CDK14: variants seen among roughly 807,000 people sequenced by gnomAD.
CDK14 encodes cyclin-dependent kinase 14.
In CDK14, 34 loss-of-function variants were observed where a neutral mutation model predicts 60.7. The ratio of observed to expected loss-of-function variants is 0.56; its 90% CI spans 0.43 to 0.75. The LOEUF (loss-of-function observed/expected upper bound fraction) is 0.75. CDK14 is among the 30% of genes least tolerant of loss of function. The pLI is 0.00. For synonymous variants in CDK14, 197 were observed against 203.7 expected, an observed-to-expected ratio of 0.97 and a Z score of 0.28; for missense variants, 482 against 564.1, an observed-to-expected ratio of 0.85 and a Z score of 1.47.
intron 8 of CDK14, among the ~76,000 whole-genome samples, chr7:90,929,478 T>G (rs1793525128): frequency 6.6e-6 from 1 of 152,256 alleles, no homozygotes; most frequent in Non-Finnish European, 1.5e-5. Flanking sequence ...CATATCAATG[T>G]TAACAACTTT....
chr7:91,144,143 G>A (rs1800550687), intron 14 of CDK14, among the ~76,000 whole-genome samples: 1 of 152,132 alleles, frequency 6.6e-6, no homozygotes, highest in Non-Finnish European at 1.5e-5. Context: ...ACCAGATCAA[G>A]TTAATTAATC....
chr7:90,938,048 A>T (rs1793809269), intron 8 of CDK14, among the ~76,000 whole-genome samples: 1 of 152,250 alleles, frequency 6.6e-6, no homozygotes, highest in Non-Finnish European at 1.5e-5. Context: ...ATGAAAGAAT[A>T]GTTTGGAATC....
At chr7:91,167,820 A>G (rs1801391426) in intron 14 of CDK14, among the ~76,000 whole-genome samples, 1 of 152,242 alleles carries the variant, frequency 6.6e-6, no homozygotes, top group Admixed American at 6.5e-5. Context: ...TGGGAAAAGA[A>G]TAGTGTCTAC....
chr7:90,847,512 G>A (rs1790507239), intron 5 of CDK14, among the ~76,000 whole-genome samples: 1 of 152,054 alleles, frequency 6.6e-6, no homozygotes, highest in East Asian at 1.9e-4. Flanking sequence ...CCTGAGCTCT[G>A]TTTTCTTCCA....
rs1363797672 is a variant in CDK14 at position 90,895,350 on chromosome 7, CCTCTCCTCACCTCT to C, written c.640-3939_640-3926del. 1.4e-4 allele frequency among the ~76,000 whole-genome samples: 6 copies of C among 43,762 alleles called. 1 individual carries two copies. The highest frequency in any genetic ancestry group is 5.6e-4 in the African/African-American group (6 of 10,682). The allele number at this position is 43,762 out of a possible 152,430, so 28.7% of individuals were successfully genotyped here. A position where few individuals can be genotyped will look rare whatever the true frequency, so the allele number is the denominator to read the frequency against. ...CCTTTCCTCTCCTCTCCTCTCCTCT[CCTCTCCTCACCTCT>C]CCTCCCCTCCCCTCTCCTCTCCTCT... On this transcript the variant is annotated intron_variant, in intron 6 of 14. Coordinates refer to ENST00000380050, the MANE Select transcript of CDK14 (RefSeq NM_001287135.2).
Position 91,070,377 on chromosome 7 carries a change from TC to T in CDK14, c.1106-9054del, listed in dbSNP as rs147376391. On this transcript the variant is annotated intron_variant, in intron 11 of 14. Coordinates refer to ENST00000380050, the MANE Select transcript of CDK14 (RefSeq NM_001287135.2). ...GAGCTCCGTGAAGAAAGAGACTTGT[TC>T]TGTTTTGTTCATGCCTATATTCTCA... Among the ~76,000 whole-genome samples the T allele has an allele frequency of 4.9e-3, 751 of 152,334 alleles. 3 individuals are homozygous for T. The highest frequency in any genetic ancestry group is 8.1e-3 in the Non-Finnish European group (550 of 68,028).
chr7:90,611,101 T>G (rs1799529893), intron 2 of CDK14, among the ~76,000 whole-genome samples: 1 of 152,184 alleles, frequency 6.6e-6, no homozygotes, highest in South Asian at 2.1e-4. Context: ...TTCCTTTCCC[T>G]CTTTTCTACT....
At chr7:91,168,060 G>A (rs765274149) in intron 14 of CDK14, among the ~76,000 whole-genome samples, 11 of 152,136 alleles carry the variant, frequency 7.2e-5, no homozygotes, top group African/African-American at 2.2e-4. Flanking sequence ...TCAGGAGATC[G>A]AGACCACCCT....
chr7:90,661,238 A>T (rs1467173148), intron 2 of CDK14, among the ~76,000 whole-genome samples: 3 of 152,188 alleles, frequency 2.0e-5, no homozygotes, highest in African/African-American at 7.2e-5. Flanking sequence ...AAAACAAAAC[A>T]TCTTTTGCAA....
chr7:90,788,257 G>A (rs1182548260), intron 4 of CDK14, among the ~76,000 whole-genome samples: 1 of 152,142 alleles, frequency 6.6e-6, no homozygotes, highest in African/African-American at 2.4e-5. Flanking sequence ...CCAGTGATGA[G>A]CTCAACTGGG....
At chr7:91,102,822 C>A (rs1001085512) in intron 12 of CDK14, among the ~76,000 whole-genome samples, 9 of 151,772 alleles carry the variant, frequency 5.9e-5, no homozygotes, top group Non-Finnish European at 1.5e-5. Flanking sequence ...TGTTTTTGCT[C>A]AAAAATGACT....
chr7:90,740,633 A>G (rs901833979), intron 3 of CDK14, among the ~76,000 whole-genome samples: 5 of 152,122 alleles, frequency 3.3e-5, no homozygotes, highest in Admixed American at 2.6e-4. Flanking sequence ...AGCTTCCAAA[A>G]CTGTGAACAA....
intron 8 of CDK14, among the ~76,000 whole-genome samples, chr7:90,931,110 G>T (rs1793579434): frequency 6.6e-6 from 1 of 152,164 alleles, no homozygotes; most frequent in Non-Finnish European, 1.5e-5. Context: ...TCAAAGAATA[G>T]CTATAAATGA....
rs183430950 is a variant in CDK14, at chr7:90,865,755, G to A, written c.639+2486G>A. On this transcript the variant is annotated intron_variant, in intron 6 of 14. Transcript: ENST00000380050. ...TACAGTTTTATGCTGAGCACTGTACGGAGGGCTTTACATTCATTGTCACTT... is the reference window on the plus strand; with the variant it reads ...TACAGTTTTATGCTGAGCACTGTACAGAGGGCTTTACATTCATTGTCACTT... 6.6e-5 allele frequency among the ~76,000 whole-genome samples: 10 copies of A among 152,192 alleles called. No individual in the cohort carries two copies. The South Asian group carries it at 1.5e-3, about 22-fold the overall frequency.
In CDK14 at chr7:90,689,166, A is replaced by G. The variant is rs143129876; in HGVS notation, c.124-37401A>G. 8.1e-3 allele frequency among the ~76,000 whole-genome samples: 1,228 copies of G among 152,278 alleles called. 7 individuals are homozygous for G. Among genetic ancestry groups the G allele is most frequent in the Non-Finnish European group, 0.013 (862 of 68,010 alleles). Reference sequence around the variant, plus strand: ...TTCTGGTGCTCAAGAATAAGCAGATATGGCTGAATGTGGTTGAAGAGGTGG... The same window carrying G: ...TTCTGGTGCTCAAGAATAAGCAGATGTGGCTGAATGTGGTTGAAGAGGTGG... On this transcript the variant is annotated intron_variant, in intron 2 of 14. Transcript: ENST00000380050.
At chr7:90,811,154 G>A (rs1315198586) in intron 5 of CDK14, among the ~76,000 whole-genome samples, 1 of 152,142 alleles carries the variant, frequency 6.6e-6, no homozygotes, top group Admixed American at 6.6e-5. Context: ...AGCCCCCATT[G>A]CCAAGTCAAT....
chr7:90,895,571 C>A (rs1359463354), intron 6 of CDK14, among the ~76,000 whole-genome samples: 1 of 113,060 alleles, frequency 8.8e-6, no homozygotes, highest in Non-Finnish European at 1.8e-5. Flanking sequence ...CTCCCCTCCC[C>A]TCCTTTCCTG....
At chr7:90,819,184 T>C (rs1288155956) in intron 5 of CDK14, among the ~76,000 whole-genome samples, 1 of 152,166 alleles carries the variant, frequency 6.6e-6, no homozygotes, top group Non-Finnish European at 1.5e-5. Flanking sequence ...AGATGAAGTA[T>C]AATGCAAAAG....
Position 91,195,298 on chromosome 7 carries a change from A to T in CDK14, c.*29-11867A>T, listed in dbSNP as rs146826963. Among the ~76,000 whole-genome samples the T allele has an allele frequency of 5.2e-3, 798 of 152,352 alleles. 4 individuals are homozygous for T. Among genetic ancestry groups the T allele is most frequent in the Middle Eastern group, 0.01 (3 of 294 alleles). ...GGAACTCCCAATGCTACAATTAGAA[A>T]GTCTGTCTGAGTTGTGTATTAATCG... On this transcript the variant is annotated intron_variant, in intron 14 of 14. Coordinates refer to ENST00000380050, the MANE Select transcript of CDK14 (RefSeq NM_001287135.2).
Sources: gnomAD v4.1 joint callset for allele counts (sites outside exome capture counted in the v4.1 genomes callset) on GRCh38, gnomAD v4.1.1 for gene constraint, MANE v1.5 for transcripts, NCBI Gene and HGNC (gene_info 2026-07-23, HGNC 2026-07-21) for gene names.